The following TMEM150C variants were observed in gnomAD, a reference collection of about 807,000 sequenced individuals.
TMEM150C encodes transmembrane protein 150C, also known as tentonin 3.
In TMEM150C, 10 loss-of-function variants were observed where a neutral mutation model predicts 29.9. That is an observed-to-expected ratio of 0.33 (90% CI 0.21 to 0.57). The LOEUF (loss-of-function observed/expected upper bound fraction) is 0.57. Among genes scored for constraint, TMEM150C ranks in the 20% least tolerant of loss-of-function variants. The probability of loss-of-function intolerance (pLI) is 0.88; values close to 1 mark genes in which losing one functional copy is unlikely to be tolerated. For missense variants in TMEM150C, 251 were observed against 303.6 expected (o/e 0.83, Z 1.29); for synonymous variants, 101 against 112.5 (o/e 0.90, Z 0.64).
At chr4:82,494,914 TGCGCTTCTCTTTA>T in intron 6 of TMEM150C, 1 of 562,514 alleles carries the variant, frequency 1.8e-6, no homozygotes, top group South Asian at 1.6e-5. Context: ...ACTTGTTCCT[TGCGCTTCTCTTTA>T]GCCTCCTTCA....
chr4:82,546,752 G>A (rs1347766485), intron 1 of TMEM150C, among the ~76,000 whole-genome samples: 3 of 151,964 alleles, frequency 2.0e-5, no homozygotes, highest in Admixed American at 6.6e-5. Context: ...GGTGTGACCC[G>A]GGAGGTGGAG....
chr4:82,531,490 C>T (rs1724843805), intron 1 of TMEM150C, among the ~76,000 whole-genome samples: 1 of 152,128 alleles, frequency 6.6e-6, no homozygotes, highest in Admixed American at 6.5e-5. Context: ...GGCATGGTGG[C>T]TCACACCTGT....
At chr4:82,514,427 C>T (rs1282423377) in intron 1 of TMEM150C, among the ~76,000 whole-genome samples, 1 of 152,206 alleles carries the variant, frequency 6.6e-6, no homozygotes, top group African/African-American at 2.4e-5. Context: ...CATCAGGAAC[C>T]ATGTTGGAAC....
chr4:82,491,317 T>C, intron 6 of TMEM150C: 1 of 671,718 alleles, frequency 1.5e-6, no homozygotes, highest in Non-Finnish European at 2.7e-6. Flanking sequence ...GTCTCTGGTC[T>C]GTACCTGTGG....
chr4:82,518,637 T>A (rs1724375945), intron 1 of TMEM150C, among the ~76,000 whole-genome samples: 3 of 152,024 alleles, frequency 2.0e-5, no homozygotes. Context: ...ATACGAGGGG[T>A]TTCTCTTTTT....
chr4:82,520,217 A>G (rs1239571739), intron 1 of TMEM150C, among the ~76,000 whole-genome samples: 1 of 152,238 alleles, frequency 6.6e-6, no homozygotes, highest in East Asian at 1.9e-4. Flanking sequence ...GAAACAGTTA[A>G]CTGTTAATGG....
chr4:82,486,813 G>GT (rs1035512193), intron 7 of TMEM150C, among the ~76,000 whole-genome samples: 3 of 152,072 alleles, frequency 2.0e-5, no homozygotes, highest in African/African-American at 7.2e-5. Context: ...GTATGTGTGT[G>GT]TGTTGTGTGT....
At position 82,504,979 on chromosome 4, in the gene TMEM150C, G is replaced by C. The variant is rs557859094; in HGVS notation, c.-10-312C>G. 3.3e-5 allele frequency among the ~76,000 whole-genome samples: 5 copies of C among 152,224 alleles called. No homozygotes were observed. In the South Asian group the frequency reaches 1.0e-3, roughly 32 times the overall value. The stretch of plus-strand genomic sequence containing the variant: ...TAGGAGGCGGAGCTTGCAGTGAGCC[G>C]AGATCGCGCCACTGTACTCCAGCCT... On this transcript the variant is annotated intron_variant, in intron 1 of 7. Transcript: ENST00000449862.
intron 1 of TMEM150C, among the ~76,000 whole-genome samples, chr4:82,513,652 A>T (rs1050757193): frequency 6.6e-6 from 1 of 152,190 alleles, no homozygotes; most frequent in Non-Finnish European, 1.5e-5. Flanking sequence ...GCAAAGAGAG[A>T]TACAAAAGAA....
chr4:82,490,211 C>T lies in TMEM150C; in HGVS notation c.391G>A (p.Val131Ile), dbSNP rs200336546. The T allele has an allele frequency of 1.1e-4, 178 of 1,613,826 alleles. No homozygotes were observed. The highest frequency in any genetic ancestry group is 1.6e-4 in the Middle Eastern group (1 of 6,062). The change falls in exon 7 of 8, where the codon GTC (valine) becomes ATC (isoleucine). Residue 131 changes from valine (V) to isoleucine (I), a missense_variant. Coordinates refer to ENST00000449862, the MANE Select transcript of TMEM150C (RefSeq NM_001080506.3). ...AATCCAAAGGTCAAGGAAGTTCCGA[C>T]GTTATGGATTTCTTCATCATTTGTG... ...QLTNDEEIHN[V>I]GTSLTFGFGT...
At chr4:82,553,973 A>C (rs1235164768) in intron 1 of TMEM150C, among the ~76,000 whole-genome samples, 1 of 152,242 alleles carries the variant, frequency 6.6e-6, no homozygotes, top group African/African-American at 2.4e-5. Flanking sequence ...GGAAACACCA[A>C]TCAAAATGTC....
chr4:82,490,009 T>G, intron 7 of TMEM150C, 52 bp downstream of exon 7: 1 of 1,562,712 alleles, frequency 6.4e-7, no homozygotes, highest in Non-Finnish European at 8.8e-7. Flanking sequence ...CAGAGACAAC[T>G]TACTTGTTTT....
intron 1 of TMEM150C, among the ~76,000 whole-genome samples, chr4:82,561,604 G>A (rs1416350592): frequency 6.7e-6 from 1 of 149,340 alleles, no homozygotes; most frequent in Non-Finnish European, 1.5e-5. Context: ...GCACTGCGGC[G>A]GCGGGGACCG....
chr4:82,538,420 A>G (rs1192264090), intron 1 of TMEM150C, among the ~76,000 whole-genome samples: 1 of 152,240 alleles, frequency 6.6e-6, no homozygotes, highest in East Asian at 1.9e-4. Context: ...AAACAGAGGA[A>G]GGAGTAAGTT....
chr4:82,537,188 T>C (rs1406695030), intron 1 of TMEM150C, among the ~76,000 whole-genome samples: 1 of 152,102 alleles, frequency 6.6e-6, no homozygotes, highest in Non-Finnish European at 1.5e-5. Context: ...GGTTTCACTG[T>C]GTTAGCCAGG....
chr4:82,483,524 A>T lies in TMEM150C; in HGVS notation c.*1987T>A, dbSNP rs1391925827. The T allele has an allele frequency of 6.6e-6, 1 of 152,162 alleles. No homozygotes were observed. Among genetic ancestry groups the T allele is most frequent in the Non-Finnish European group, 1.5e-5 (1 of 68,024 alleles). The allele number at this position is 152,162 out of a possible 1,614,324, so 9.4% of individuals were successfully genotyped here. A position where few individuals can be genotyped will look rare whatever the true frequency, so the allele number is the denominator to read the frequency against. On this transcript the variant is annotated 3_prime_UTR_variant, in exon 8 of 8. Transcript: ENST00000449862. ...TACTTACAGGGATTCTCACTCCCCC[A>T]TCTGATCCCTATTCATAACTTCTTC...
At chr4:82,539,587 G>C (rs1212064937) in intron 1 of TMEM150C, among the ~76,000 whole-genome samples, 1 of 152,050 alleles carries the variant, frequency 6.6e-6, no homozygotes. Context: ...CGAGTAGCTG[G>C]GACTACAGGC....
intron 1 of TMEM150C, among the ~76,000 whole-genome samples, chr4:82,542,454 A>G (rs1046487238): frequency 2.6e-5 from 4 of 152,214 alleles, no homozygotes; most frequent in African/African-American, 4.8e-5. Context: ...CCTATAAATA[A>G]GTAGTCACTC....
intron 1 of TMEM150C, among the ~76,000 whole-genome samples, chr4:82,509,387 A>G (rs758024335): frequency 2.0e-5 from 3 of 152,212 alleles, no homozygotes; most frequent in Non-Finnish European, 4.4e-5. Flanking sequence ...ACACCTGGCC[A>G]CTTGAAAATG....
Sources: gnomAD v4.1 joint callset for allele counts (sites outside exome capture counted in the v4.1 genomes callset) on GRCh38, gnomAD v4.1.1 for gene constraint, MANE v1.5 for transcripts, NCBI Gene and HGNC (gene_info 2026-07-23, HGNC 2026-07-21) for gene names.